Variants in TNFRSF19 observed in about 807,000 individuals in gnomAD.
TNFRSF19 encodes the protein tumor necrosis factor receptor superfamily member 19.
In TNFRSF19, 27 loss-of-function variants were observed where a neutral mutation model predicts 46.4. That is an observed-to-expected ratio of 0.58 (90% CI 0.43 to 0.80). The LOEUF is 0.80. TNFRSF19 is among the 30% of genes least tolerant of loss of function. The probability of loss-of-function intolerance (pLI) is 0.00; values close to 1 mark genes in which losing one functional copy is unlikely to be tolerated. For missense variants in TNFRSF19, 511 were observed against 530.8 expected (o/e 0.96, Z 0.37); for synonymous variants, 204 against 205.0 (o/e 1.00, Z 0.04).
intron 1 of TNFRSF19, among the ~76,000 whole-genome samples, chr13:23,573,095 C>T (rs187761173): frequency 3.7e-4 from 57 of 152,258 alleles, no homozygotes; most frequent in African/African-American, 1.2e-3. Context: ...CTATAGAAAA[C>T]GAATGTCCCT....
At chr13:23,614,293 A>G (rs964699855) in intron 3 of TNFRSF19, among the ~76,000 whole-genome samples, 1 of 152,236 alleles carries the variant, frequency 6.6e-6, no homozygotes. Context: ...TGAGTTAATT[A>G]GTAAAAATCT....
intron 7 of TNFRSF19, among the ~76,000 whole-genome samples, chr13:23,661,525 T>C (rs1422139460): frequency 6.6e-6 from 1 of 152,212 alleles, no homozygotes; most frequent in African/African-American, 2.4e-5. Context: ...GTCTTTATGG[T>C]AGAGTGATTT....
chr13:23,602,761 A>C (rs996874755), intron 3 of TNFRSF19, among the ~76,000 whole-genome samples: 31 of 152,160 alleles, frequency 2.0e-4, no homozygotes, highest in African/African-American at 7.5e-4. Context: ...TCTAAATAAC[A>C]CATGGGTCAA....
At chr13:23,590,430 G>C (rs1593236403) in intron 2 of TNFRSF19, among the ~76,000 whole-genome samples, 178 bp downstream of exon 2, 1 of 152,140 alleles carries the variant, frequency 6.6e-6, no homozygotes, top group African/African-American at 2.4e-5. Context: ...TGCCTCCCGG[G>C]TTCAAGTGAT....
intron 5 of TNFRSF19, among the ~76,000 whole-genome samples, chr13:23,637,822 C>T (rs1882783039): frequency 1.3e-5 from 2 of 152,254 alleles, no homozygotes; most frequent in African/African-American, 4.8e-5. Flanking sequence ...CAGGCTAACA[C>T]CTGCCTGTCT....
At chr13:23,598,614 C>T (rs1020425233) in intron 3 of TNFRSF19, among the ~76,000 whole-genome samples, 7 of 152,142 alleles carry the variant, frequency 4.6e-5, no homozygotes, top group African/African-American at 1.2e-4. Flanking sequence ...GTATGTTACT[C>T]CCAGGAGCAC....
intron 1 of TNFRSF19, among the ~76,000 whole-genome samples, chr13:23,581,495 A>G (rs1307322181): frequency 6.6e-6 from 1 of 152,114 alleles, no homozygotes; most frequent in Non-Finnish European, 1.5e-5. Flanking sequence ...CATTGCTCAC[A>G]TGTAAAAGTA....
At position 23,674,824 on chromosome 13, in the gene TNFRSF19, A is replaced by G. The variant is rs1012248846; in HGVS notation, c.*1444A>G. On this transcript the variant is annotated 3_prime_UTR_variant, in exon 10 of 10. Transcript: ENST00000248484. Reference sequence around the variant, plus strand: ...TATCTGTCTTTCCTAGTATGTTTTTATCTTCTCATGTATTATCCATGGTTT... The same window carrying G: ...TATCTGTCTTTCCTAGTATGTTTTTGTCTTCTCATGTATTATCCATGGTTT... The G allele has an allele frequency of 6.6e-6, 1 of 152,152 alleles. No homozygotes were observed. The highest frequency in any genetic ancestry group is 2.4e-5 in the African/African-American group (1 of 41,418). The allele number at this position is 152,152 out of a possible 1,614,324, so 9.4% of individuals were successfully genotyped here.
intron 7 of TNFRSF19, 117 bp from the exon 8 acceptor site, chr13:23,667,863 C>T: frequency 2.5e-6 from 2 of 809,232 alleles, no homozygotes; most frequent in South Asian, 2.2e-5. Flanking sequence ...ATTCCTTTTC[C>T]CCCAAAAGTC....
chr13:23,596,514 T>C (rs920207354), intron 3 of TNFRSF19, among the ~76,000 whole-genome samples: 2 of 151,992 alleles, frequency 1.3e-5, no homozygotes, highest in African/African-American at 4.8e-5. Flanking sequence ...CATAATGGTA[T>C]AAGGGATCAA....
At position 23,660,350 on chromosome 13, in the gene TNFRSF19, T is replaced by C. The variant is rs111851675; in HGVS notation, c.611-15T>C. ...GAGACTGTGTTCCCTGACAGAGTTCTCACCCCTCATTTAGGGTCTCTGCGG... is the reference window on the plus strand; with the variant it reads ...GAGACTGTGTTCCCTGACAGAGTTCCCACCCCTCATTTAGGGTCTCTGCGG... On this transcript the variant is annotated splice_polypyrimidine_tract_variant and intron_variant, in intron 6 of 9. Coordinates refer to ENST00000248484, the MANE Select transcript of TNFRSF19 (RefSeq NM_148957.4). 6.8e-6 allele frequency: 11 copies of C among 1,611,064 alleles called. No homozygotes were observed. The highest frequency in any genetic ancestry group is 8.5e-6 in the Non-Finnish European group (10 of 1,178,390).
intron 3 of TNFRSF19, among the ~76,000 whole-genome samples, chr13:23,609,234 A>G (rs1880727691): frequency 6.6e-6 from 1 of 152,206 alleles, no homozygotes; most frequent in Non-Finnish European, 1.5e-5. Context: ...TATGAGAAAG[A>G]TAATTCAGAA....
At chr13:23,657,626 G>C (rs191551026) in intron 5 of TNFRSF19, among the ~76,000 whole-genome samples, 1 of 152,252 alleles carries the variant, frequency 6.6e-6, no homozygotes, top group African/African-American at 2.4e-5. Flanking sequence ...ATATTGAAAT[G>C]CAATATTTAA....
At chr13:23,653,204 C>G (rs575951094) in intron 5 of TNFRSF19, among the ~76,000 whole-genome samples, 2 of 152,280 alleles carry the variant, frequency 1.3e-5, no homozygotes, top group South Asian at 4.1e-4. Context: ...AGCAATGGCT[C>G]CCTAAGTGAA....
rs141570513 is a variant in TNFRSF19, at chr13:23,593,399, C to T, written c.124C>T (p.Arg42Trp). ...CTGTAGACAGCAAGAATTCAGGGAT[C>T]GGTCTGGAAACTGTGTTCCCTGCAA... Reference protein sequence around the residue: ...GDCRQQEFRDRSGNCVPCNQC... With the variant: ...GDCRQQEFRDWSGNCVPCNQC... Residue 42 changes from arginine to tryptophan, a missense_variant, in exon 3 of 10, where the codon CGG becomes TGG. Arg to Trp is a moderately radical substitution (Grantham distance 101). This residue lies in a region of TNFRSF19 where 121 missense variants were observed against 124.1 expected (regional missense o/e 0.98). Transcript: ENST00000248484. 4.6e-5 allele frequency: 74 copies of T among 1,599,878 alleles called. No homozygotes were observed. The Middle Eastern group carries it at 5.0e-4, about 11-fold the overall frequency.
At chr13:23,613,258 G>A (rs1881028719) in intron 3 of TNFRSF19, among the ~76,000 whole-genome samples, 1 of 152,204 alleles carries the variant, frequency 6.6e-6, no homozygotes, top group African/African-American at 2.4e-5. Flanking sequence ...TTAGAGTTGA[G>A]CACTTTATAT....
intron 5 of TNFRSF19, among the ~76,000 whole-genome samples, chr13:23,641,472 G>A (rs1023931745): frequency 2.6e-5 from 4 of 152,234 alleles, no homozygotes; most frequent in African/African-American, 9.6e-5. Context: ...TGGGGTTACA[G>A]GCATATGCCA....
chr13:23,667,421 A>G (rs1458182041), intron 7 of TNFRSF19, among the ~76,000 whole-genome samples: 2 of 152,304 alleles, frequency 1.3e-5, no homozygotes, highest in East Asian at 3.9e-4. Flanking sequence ...GGGTTCGAAC[A>G]TTCATGCTCT....
At chr13:23,625,072 G>A (rs1247536728) in intron 4 of TNFRSF19, among the ~76,000 whole-genome samples, 3 of 151,962 alleles carry the variant, frequency 2.0e-5, no homozygotes, top group Non-Finnish European at 2.9e-5. Context: ...ATTTTTATAT[G>A]TATTGGTAAA....
Sources: allele counts gnomAD v4.1 joint callset (sites outside exome capture counted in the v4.1 genomes callset), GRCh38; gene constraint gnomAD v4.1.1; regional missense constraint gnomAD v4.1.1; transcripts MANE v1.5; gene names NCBI Gene and HGNC (gene_info 2026-07-23, HGNC 2026-07-21).